Variants in HIRIP3 observed in about 807,000 individuals in gnomAD.
HIRIP3 encodes the protein HIRA-interacting protein 3.
In HIRIP3, 40 loss-of-function variants were observed where a neutral mutation model predicts 50.3. The observed-to-expected ratio is 0.79, with a 90% CI of 0.62 to 1.03. The LOEUF is 1.03. HIRIP3 is among the 50% of genes least tolerant of loss of function. The pLI, the probability that HIRIP3 is intolerant of heterozygous loss-of-function variation, is 0.00. For missense variants in HIRIP3, 765 were observed against 705.4 expected (o/e 1.08, Z -0.96); for synonymous variants, 318 against 261.6 (o/e 1.22, Z -2.08).
At chr16:29,996,078 G>C, upstream of HIRIP3, 1 of 600,406 alleles carries the variant, frequency 1.7e-6, no homozygotes, top group Non-Finnish European at 3.0e-6. Flanking sequence ...TTTTTGTGGC[G>C]TCACCGCGTC....
At position 29,995,233 on chromosome 16, in the gene HIRIP3, G is replaced by A. The variant is rs370819710; in HGVS notation, c.187-16C>T. 5 of 1,614,024 alleles carry A rather than the reference G, an allele frequency of 3.1e-6. No individual in the cohort carries two copies. The highest frequency in any genetic ancestry group is 3.4e-6 in the Non-Finnish European group (4 of 1,179,968). On this transcript the variant is annotated splice_polypyrimidine_tract_variant and intron_variant, in intron 2 of 6. Transcript: ENST00000279392. The stretch of plus-strand genomic sequence containing the variant: ...CTTCATCCACCTGTGTGTGCGCCAA[G>A]AGGGCAAACTATGCACCAAGGCTGC...
chr16:29,994,768 G>T lies in HIRIP3; in HGVS notation c.377C>A (p.Pro126Gln). Residue 126 changes from proline (P) to glutamine (Q), a missense_variant, in exon 4 of 7, where the codon CCA becomes CAA. Coordinates refer to ENST00000279392, the MANE Select transcript of HIRIP3 (RefSeq NM_003609.5). ...AKNGVAAEVS[P>Q]AKEENPRRAS... ...TCGCCTTGGATTCTCCTCTTTGGCT[G>T]GGCTGACTTCTGCTGCCACCCCATT... 1.2e-6 allele frequency: 2 copies of T among 1,614,156 alleles called. No individual in the cohort carries two copies. Among genetic ancestry groups the T allele is most frequent in the South Asian group, 2.2e-5 (2 of 91,068 alleles).
upstream of HIRIP3, chr16:29,995,974 G>T (rs920330109): frequency 7.1e-6 from 4 of 564,148 alleles, no homozygotes; most frequent in Non-Finnish European, 1.3e-5. Flanking sequence ...AGGCATCCTC[G>T]CGAGCAGATG....
intron 3 of HIRIP3, 25 bp downstream of exon 3, chr16:29,995,078 C>T (rs2070057994): frequency 1.8e-5 from 29 of 1,604,050 alleles, no homozygotes; most frequent in Non-Finnish European, 2.3e-5. Flanking sequence ...GCAGAAGGCC[C>T]CCACAGCAGG....
upstream of HIRIP3, chr16:29,995,764 C>T: frequency 3.6e-6 from 3 of 829,982 alleles, no homozygotes; most frequent in Non-Finnish European, 5.7e-6. Context: ...CTTTGCCAGA[C>T]GAGACTTGTT....
chr16:29,994,210 G>C lies in HIRIP3; in HGVS notation c.935C>G (p.Pro312Arg). The C allele has an allele frequency of 6.2e-7, 1 of 1,614,008 alleles. No individual in the cohort carries two copies. Among genetic ancestry groups the C allele is most frequent in the Non-Finnish European group, 8.5e-7 (1 of 1,179,928 alleles). ...GDDSGRDREP[P>R]VQRKSEDRTQ... ...CCTGTCCTCACTCTTCCTCTGCACT[G>C]GGGGTTCTCTATCTCTCCCACTGTC... The change falls in exon 4 of 7, where the codon CCA (proline) becomes CGA (arginine). Residue 312 changes from proline to arginine, a missense_variant. By Grantham distance (103) the Pro-to-Arg change is moderately radical. Coordinates refer to ENST00000279392, the MANE Select transcript of HIRIP3 (RefSeq NM_003609.5).
rs1176887597 is a variant in HIRIP3 at position 29,995,137 on chromosome 16, C to A, written c.267G>T (p.Pro89=). The A allele has an allele frequency of 6.2e-7, 1 of 1,614,232 alleles. No homozygotes were observed. Among genetic ancestry groups the A allele is most frequent in the African/African-American group, 1.3e-5 (1 of 75,052 alleles). Residue 89 remains proline, a synonymous_variant, in exon 3 of 7, where the codon CCG becomes CCT. Coordinates refer to ENST00000279392, the MANE Select transcript of HIRIP3 (RefSeq NM_003609.5). ...AATTGAAGCGGAACCTTTTTCTCTCCGGGTCGCTACAAGGGGTGGGAGGCC... is the reference window on the plus strand; with the variant it reads ...AATTGAAGCGGAACCTTTTTCTCTCAGGGTCGCTACAAGGGGTGGGAGGCC... ...GKRPPTPCSD[P]ERKRFRFNSE...
In HIRIP3 at chr16:29,993,634, C is replaced by T. The variant is rs760192451; in HGVS notation, c.1408+6G>A. 3 of 1,612,150 alleles carry T rather than the reference C, an allele frequency of 1.9e-6. No individual in the cohort carries two copies. Among genetic ancestry groups the T allele is most frequent in the Non-Finnish European group, 2.5e-6 (3 of 1,179,680 alleles). ...CCTGCAGCCCCCAGGGCACGCCGGG[C>T]CTCACCCTTCATGCCTAGCGCTTCC... On this transcript the variant is annotated splice_donor_region_variant and intron_variant, in intron 5 of 6. Coordinates refer to ENST00000279392, the MANE Select transcript of HIRIP3 (RefSeq NM_003609.5).
upstream of HIRIP3, chr16:29,995,657 G>T: frequency 6.3e-7 from 1 of 1,597,566 alleles, no homozygotes; most frequent in Non-Finnish European, 8.5e-7. Context: ...CTCGGCCTCC[G>T]TCAGCGCGTT....
In HIRIP3 at chr16:29,994,036, C is replaced by G. The variant is rs2070027129; in HGVS notation, c.1109G>C (p.Ser370Thr). 1.9e-6 allele frequency: 3 copies of G among 1,611,364 alleles called. No homozygotes were observed. The highest frequency in any genetic ancestry group is 1.3e-5 in the African/African-American group (1 of 74,946). Reference sequence around the variant, plus strand: ...GGGGCCTCCCCCTGCCTCGCTGTCACTTACCTCCCTCTCCAAGTCACTTTC... The same window carrying G: ...GGGGCCTCCCCCTGCCTCGCTGTCAGTTACCTCCCTCTCCAAGTCACTTTC... ...GEESDLEREV[S>T]DSEAGGGPQG... The change falls in exon 4 of 7, where the codon AGT becomes ACT. Residue 370 changes from serine (S) to threonine (T), a missense_variant. Transcript: ENST00000279392.
In HIRIP3 at chr16:29,993,648, C is replaced by T; in HGVS notation, c.1400G>A (p.Gly467Asp). 1 of 1,612,304 alleles carries T rather than the reference C, an allele frequency of 6.2e-7. No individual in the cohort carries two copies. The highest frequency in any genetic ancestry group is 8.5e-7 in the Non-Finnish European group (1 of 1,179,952). Reference protein sequence around the residue: ...SILRAELEALGMKGTPSLGKC... With the variant: ...SILRAELEALDMKGTPSLGKC... ...GGCACGCCGGGCCTCACCCTTCATG[C>T]CTAGCGCTTCCAGTTCTGCCCGGAG... The change falls in exon 5 of 7, where the codon GGC (glycine) becomes GAC (aspartate). Residue 467 changes from glycine to aspartate, a missense_variant. Transcript: ENST00000279392.
rs778913317 is a variant in HIRIP3 at position 29,993,233 on chromosome 16, T to G, written c.1645A>C (p.Ile549Leu). Residue 549 changes from isoleucine (I) to leucine (L), a missense_variant, in exon 7 of 7, where the codon ATC (isoleucine) becomes CTC (leucine). Transcript: ENST00000279392. ...PPDWSHMRGI[I>L]SSDGESN Reference sequence around the variant, plus strand: ...CAGTTACTCTCGCCATCACTGCTGATGATGCCACGCATATGTGACCAGTCT... The same window carrying G: ...CAGTTACTCTCGCCATCACTGCTGAGGATGCCACGCATATGTGACCAGTCT... The G allele has an allele frequency of 6.3e-7, 1 of 1,591,778 alleles. No homozygotes were observed. Among genetic ancestry groups the G allele is most frequent in the Admixed American group, 1.8e-5 (1 of 56,426 alleles).
chr16:29,994,777 TCTG>T lies in HIRIP3; in HGVS notation c.365_367del (p.Ala122del). The T allele has an allele frequency of 6.2e-7, 1 of 1,614,182 alleles. No individual in the cohort carries two copies. Among genetic ancestry groups the T allele is most frequent in the Non-Finnish European group, 8.5e-7 (1 of 1,180,022 alleles). On this transcript the variant is annotated inframe_deletion, in exon 4 of 7. Coordinates refer to ENST00000279392, the MANE Select transcript of HIRIP3 (RefSeq NM_003609.5). ...ATTCTCCTCTTTGGCTGGGCTGACT[TCTG>T]CTGCCACCCCATTCTTTGCTGGGGG...
chr16:29,995,003 T>C, intron 3 of HIRIP3, 100 bp downstream of exon 3: 1 of 1,479,950 alleles, frequency 6.8e-7, no homozygotes, highest in Non-Finnish European at 9.3e-7. Context: ...CTAGCCTTGC[T>C]CCCTCATCTA....
Position 29,994,393 on chromosome 16 carries a change from T to A in HIRIP3, c.752A>T (p.Asp251Val). The change falls in exon 4 of 7, where the codon GAT becomes GTT. Residue 251 changes from aspartate to valine, a missense_variant. Coordinates refer to ENST00000279392, the MANE Select transcript of HIRIP3 (RefSeq NM_003609.5). ...EEVEEEEKEEDEEKGDWKPRT... is the reference protein window; with the variant it reads ...EEVEEEEKEEVEEKGDWKPRT... ...GGGTTTCCAATCCCCCTTTTCCTCA[T>A]CCTCTTCTTTCTCTTCCTCCTCCAC... is the stretch of plus-strand genomic sequence containing the variant. 6.2e-7 allele frequency: 1 copy of A among 1,613,394 alleles called. No individual in the cohort carries two copies. Among genetic ancestry groups the A allele is most frequent in the Non-Finnish European group, 8.5e-7 (1 of 1,179,532 alleles).
In HIRIP3 at chr16:29,993,994, T is replaced by G. The variant is rs1181548476; in HGVS notation, c.1151A>C (p.Asn384Thr). ...AGGGPQGERK[N>T]RSSKKSSRKG... ...CCTGGAGCTCTTCTTGGAAGAGCGG[T>G]TCTTCCTCTCCCCCTGGGGGCCTCC... The change falls in exon 4 of 7, where the codon AAC becomes ACC. Residue 384 changes from asparagine to threonine, a missense_variant. By Grantham distance (65) the Asn-to-Thr change is moderately conservative (BLOSUM62 0). Transcript: ENST00000279392. The G allele has an allele frequency of 6.3e-7, 1 of 1,584,292 alleles. No homozygotes were observed. Among genetic ancestry groups the G allele is most frequent in the African/African-American group, 1.4e-5 (1 of 73,754 alleles).
At chr16:29,994,970 T>C in intron 3 of HIRIP3, 127 bp from the exon 4 acceptor site, 1 of 1,473,868 alleles carries the variant, frequency 6.8e-7, no homozygotes, top group South Asian at 1.3e-5. Context: ...TATCTGTACT[T>C]GCTGTTCCCG....
chr16:29,993,517 C>T lies in HIRIP3; in HGVS notation c.1449G>A (p.Gln483=), dbSNP rs773442313. The T allele has an allele frequency of 6.2e-7, 1 of 1,613,972 alleles. No individual in the cohort carries two copies. The highest frequency in any genetic ancestry group is 8.5e-7 in the Non-Finnish European group (1 of 1,179,890). The change falls in exon 6 of 7, where the codon CAG becomes CAA. Residue 483 remains glutamine (Q), a synonymous_variant. Transcript: ENST00000279392. ...SLGKCRALKE[Q]REEAAEVASL... ...AGGCCACCTCAGCTGCCTCCTCCCTCTGCTCCTTCAGGGCCCGACACTTCC... is the reference window on the plus strand; with the variant it reads ...AGGCCACCTCAGCTGCCTCCTCCCTTTGCTCCTTCAGGGCCCGACACTTCC...
Position 29,994,115 on chromosome 16 carries a change from G to C in HIRIP3, c.1030C>G (p.Pro344Ala), listed in dbSNP as rs777534278. 8.7e-6 allele frequency: 14 copies of C among 1,613,872 alleles called. No individual in the cohort carries two copies. The highest frequency in any genetic ancestry group is 1.2e-5 in the Non-Finnish European group (14 of 1,179,996). Reference protein sequence around the residue: ...EDEEDSGKGEPTAKGSRKMAR... With the variant: ...EDEEDSGKGEATAKGSRKMAR... The stretch of plus-strand genomic sequence containing the variant: ...ATCTTTCTAGAGCCTTTAGCTGTGG[G>C]TTCCCCCTTCCCACTGTCTTCCTCG... The change falls in exon 4 of 7, where the codon CCC becomes GCC. Residue 344 changes from proline (P) to alanine (A), a missense_variant. Transcript: ENST00000279392.
Sources: allele counts gnomAD v4.1 joint callset, GRCh38; gene constraint gnomAD v4.1.1; transcripts MANE v1.5; gene names NCBI Gene and HGNC (gene_info 2026-07-23, HGNC 2026-07-21).